Variants in MRE11 observed in about 807,000 individuals in gnomAD.
The protein encoded by MRE11 is double-strand break repair protein MRE11.
MRE11 carries 62 observed loss-of-function variants against 91.7 expected under a neutral mutation model. The ratio of observed to expected loss-of-function variants is 0.68; its 90% CI spans 0.55 to 0.84. The LOEUF (loss-of-function observed/expected upper bound fraction) is 0.84, where lower values mean the gene tolerates loss of function less well. Ranked by LOEUF, MRE11 falls within the 40% of genes least tolerant of loss-of-function variation. MRE11 has a pLI of 0.00. For missense variants in MRE11, 796 were observed against 852.9 expected, an observed-to-expected ratio of 0.93 and a Z score of 0.83; for synonymous variants, 273 against 271.4, an observed-to-expected ratio of 1.01 and a Z score of -0.06.
intron 7 of MRE11, 134 bp downstream of exon 7, chr11:94,476,155 C>A: frequency 1.5e-6 from 1 of 652,810 alleles, no homozygotes; most frequent in Non-Finnish European, 2.7e-6. Flanking sequence ...TCACACAAAG[C>A]AAATCTATGT....
intron 10 of MRE11, chr11:94,466,665 C>A: frequency 3.4e-6 from 1 of 296,582 alleles, no homozygotes. Flanking sequence ...TCTGGCTCTA[C>A]ACTGTACTCT....
chr11:94,484,619 A>T (rs945254070), intron 4 of MRE11, among the ~76,000 whole-genome samples: 1 of 152,226 alleles, frequency 6.6e-6, no homozygotes, highest in African/African-American at 2.4e-5. Context: ...AGACCAGCTT[A>T]ACCAAGTGAT....
intron 8 of MRE11, 34 bp downstream of exon 8, chr11:94,471,540 T>C: frequency 6.2e-7 from 1 of 1,601,418 alleles, no homozygotes; most frequent in Non-Finnish European, 8.5e-7. Context: ...AGCAAAGATT[T>C]CTTAAAAATT....
intron 16 of MRE11, among the ~76,000 whole-genome samples, chr11:94,444,941 CA>C (rs1259172333): frequency 6.6e-6 from 1 of 151,796 alleles, no homozygotes; most frequent in Non-Finnish European, 1.5e-5. Context: ...AAAGTATCAC[CA>C]CCTATCTTAA....
rs1222384928 is a variant in MRE11, at chr11:94,471,433, C to T, written c.845+141G>A. On this transcript the variant is annotated intron_variant, in intron 8 of 19. Transcript: ENST00000323929. ...AAACAATAAGACTACACAGAATGATCAATTTTCAAAAATAAAGCTATCATA... is the reference window on the plus strand; with the variant it reads ...AAACAATAAGACTACACAGAATGATTAATTTTCAAAAATAAAGCTATCATA... 3.9e-6 allele frequency: 3 copies of T among 773,914 alleles called. No individual in the cohort carries two copies. The East Asian group carries it at 8.1e-5, about 21-fold the overall frequency. The allele number at this position is 773,914 out of a possible 1,614,324, so 47.9% of individuals were successfully genotyped here.
At chr11:94,491,099 T>G (rs769824338) in intron 2 of MRE11, 134 bp from the exon 3 acceptor site, 16 of 635,900 alleles carry the variant, frequency 2.5e-5, no homozygotes, top group Non-Finnish European at 3.2e-5. Flanking sequence ...TTAGAGTTCA[T>G]CTGAAAATCT....
chr11:94,467,737 T>C, intron 10 of MRE11, 76 bp downstream of exon 10: 1 of 1,325,250 alleles, frequency 7.5e-7, no homozygotes, highest in Non-Finnish European at 1.1e-6. Context: ...TCACTACTTT[T>C]CAAAGAAACC....
intron 19 of MRE11, among the ~76,000 whole-genome samples, chr11:94,424,061 G>A (rs1204473695): frequency 6.6e-6 from 1 of 152,150 alleles, no homozygotes; most frequent in Non-Finnish European, 1.5e-5. Context: ...CCAGTGATAG[G>A]AGGGACCTCA....
chr11:94,503,346 G>T, the MRE11 span, among the ~76,000 whole-genome samples: 1 of 152,034 alleles, frequency 6.6e-6, no homozygotes, highest in Non-Finnish European at 1.5e-5. Context: ...GCATTTTATG[G>T]CACACGAACA....
chr11:94,435,700 C>A, intron 18 of MRE11, 132 bp downstream of exon 18: 1 of 738,618 alleles, frequency 1.4e-6, no homozygotes. Flanking sequence ...TGTTTTCATT[C>A]CTCTACATAC....
chr11:94,479,344 T>TTC (rs1946955860), intron 5 of MRE11, among the ~76,000 whole-genome samples: 1 of 152,154 alleles, frequency 6.6e-6, no homozygotes. Flanking sequence ...GAACAATCAT[T>TTC]TCCTAAAAGT....
rs187319869 is a variant in MRE11 at position 94,479,539 on chromosome 11, A to G, written c.402+135T>C. On this transcript the variant is annotated intron_variant, in intron 5 of 19. Transcript: ENST00000323929. ...TCTAAAAAGCAGTATAAAAGCTTGTATGAATGTGAAAAGTCAACTTGACTT... is the reference window on the plus strand; with the variant it reads ...TCTAAAAAGCAGTATAAAAGCTTGTGTGAATGTGAAAAGTCAACTTGACTT... The G allele has an allele frequency of 4.1e-6, 3 of 728,908 alleles. No homozygotes were observed. The Admixed American group carries it at 6.7e-5, about 16-fold the overall frequency. The allele number at this position is 728,908 out of a possible 1,614,324, so 45.2% of individuals were successfully genotyped here. A position where few individuals can be genotyped will look rare whatever the true frequency, so the allele number is the denominator to read the frequency against.
intron 15 of MRE11, among the ~76,000 whole-genome samples, 189 bp from the exon 16 acceptor site, chr11:94,446,082 C>T (rs1945921984): frequency 6.6e-6 from 1 of 152,168 alleles, no homozygotes; most frequent in Non-Finnish European, 1.5e-5. Context: ...GGCCACACTT[C>T]AGTTTATCCA....
intron 16 of MRE11, among the ~76,000 whole-genome samples, chr11:94,443,019 G>C (rs1945827603): frequency 6.6e-6 from 1 of 152,146 alleles, no homozygotes; most frequent in African/African-American, 2.4e-5. Flanking sequence ...AATAATACTT[G>C]AGTAAAAATA....
At chr11:94,474,952 A>G (rs1207369126) in intron 7 of MRE11, among the ~76,000 whole-genome samples, 1 of 152,186 alleles carries the variant, frequency 6.6e-6, no homozygotes. Flanking sequence ...AGTTATATGA[A>G]GACCACACAC....
chr11:94,466,961 G>T (rs951354966), intron 10 of MRE11, among the ~76,000 whole-genome samples: 1 of 152,138 alleles, frequency 6.6e-6, no homozygotes, highest in African/African-American at 2.4e-5. Flanking sequence ...CTGAAAAGAG[G>T]GCTAACTATG....
intron 4 of MRE11, chr11:94,483,854 TTAAATAAATAAA>T (rs373737175): frequency 6.6e-6 from 1 of 151,670 alleles, no homozygotes; most frequent in Non-Finnish European, 1.5e-5. Context: ...AAAGCAAAAA[TTAAATAAATAAA>T]TAAATAAATA....
chr11:94,475,558 C>A, intron 7 of MRE11: 1 of 455,104 alleles, frequency 2.2e-6, no homozygotes, highest in Admixed American at 2.4e-5. Context: ...ATTTTTACTG[C>A]AGTGATCAGA....
intron 16 of MRE11, among the ~76,000 whole-genome samples, chr11:94,442,845 AT>A (rs960380148): frequency 4.6e-5 from 7 of 152,110 alleles, no homozygotes; most frequent in African/African-American, 1.7e-4. Flanking sequence ...ATCCTTTACA[AT>A]TTTCCAGGCT....
Sources: gnomAD v4.1 joint callset for allele counts (sites outside exome capture counted in the v4.1 genomes callset) on GRCh38, gnomAD v4.1.1 for gene constraint, MANE v1.5 for transcripts, NCBI Gene and HGNC (gene_info 2026-07-23, HGNC 2026-07-21) for gene names.